The following SND1 variants were observed in gnomAD, a reference collection of about 807,000 sequenced individuals.
SND1 encodes the protein staphylococcal nuclease domain-containing protein 1.
A neutral mutation model predicts 121.7 loss-of-function variants in SND1; 38 were observed. The ratio of observed to expected loss-of-function variants is 0.31; its 90% CI spans 0.24 to 0.41. The LOEUF is 0.41. Among genes scored for constraint, SND1 ranks in the 10% least tolerant of loss-of-function variants. The pLI, the probability that SND1 is intolerant of heterozygous loss-of-function variation, is 1.00. For synonymous variants in SND1, 401 were observed against 447.4 expected, an observed-to-expected ratio of 0.90 and a Z score of 1.31; for missense variants, 868 against 1,184.6, an observed-to-expected ratio of 0.73 and a Z score of 3.92.
At chr7:127,743,913 G>T (rs1356860254) in intron 10 of SND1, among the ~76,000 whole-genome samples, 1 of 152,064 alleles carries the variant, frequency 6.6e-6, no homozygotes, top group Non-Finnish European at 1.5e-5. Context: ...TGCTTCCCAG[G>T]CCTTCCACCT....
At chr7:127,721,535 T>G in intron 10 of SND1, 135 bp downstream of exon 10, 1 of 532,016 alleles carries the variant, frequency 1.9e-6, no homozygotes, top group Admixed American at 3.0e-5. Context: ...TCCACAGTAT[T>G]ATTTTCTAAT....
chr7:127,898,751 T>C (rs1190664236), intron 13 of SND1, among the ~76,000 whole-genome samples: 1 of 152,192 alleles, frequency 6.6e-6, no homozygotes, highest in Non-Finnish European at 1.5e-5. Context: ...TCTGTTTTAT[T>C]GTTTACAGTG....
At chr7:127,973,009 G>T (rs551114471) in intron 15 of SND1, among the ~76,000 whole-genome samples, 1 of 152,192 alleles carries the variant, frequency 6.6e-6, no homozygotes, top group Non-Finnish European at 1.5e-5. Flanking sequence ...ATTGGAGAGG[G>T]CCCAAATGAG....
At chr7:127,964,629 C>G (rs1438506265) in intron 15 of SND1, among the ~76,000 whole-genome samples, 2 of 151,954 alleles carry the variant, frequency 1.3e-5, no homozygotes, top group East Asian at 3.8e-4. Flanking sequence ...TGTTTTGGTA[C>G]CAGTACCATG....
chr7:127,703,811 C>T (rs1407943862), intron 7 of SND1, among the ~76,000 whole-genome samples: 1 of 152,154 alleles, frequency 6.6e-6, no homozygotes, highest in Admixed American at 6.5e-5. Context: ...AATTTTCTCA[C>T]CTTTAGGAAA....
intron 13 of SND1, among the ~76,000 whole-genome samples, chr7:127,903,833 A>G (rs1043600633): frequency 7.9e-5 from 12 of 152,144 alleles, no homozygotes; most frequent in Non-Finnish European, 1.3e-4. Flanking sequence ...AGCTTTCTCA[A>G]CACTTCCTCT....
chr7:127,763,116 C>G (rs1342753053), intron 10 of SND1, among the ~76,000 whole-genome samples: 2 of 152,122 alleles, frequency 1.3e-5, no homozygotes, highest in African/African-American at 4.8e-5. Flanking sequence ...TCCTAGAACT[C>G]ATGTCACATA....
chr7:127,912,613 T>G (rs1009460201), intron 14 of SND1, among the ~76,000 whole-genome samples: 1 of 152,232 alleles, frequency 6.6e-6, no homozygotes, highest in Non-Finnish European at 1.5e-5. Flanking sequence ...TTCTTTAGTC[T>G]CTTTGAGCCT....
chr7:127,759,291 A>G (rs1046324639), intron 10 of SND1, among the ~76,000 whole-genome samples: 3 of 152,218 alleles, frequency 2.0e-5, no homozygotes, highest in Non-Finnish European at 4.4e-5. Flanking sequence ...CCTTGAAACT[A>G]TATAAAATCA....
chr7:127,799,893 G>T (rs761311273), intron 10 of SND1, among the ~76,000 whole-genome samples: 1 of 152,188 alleles, frequency 6.6e-6, no homozygotes, highest in Non-Finnish European at 1.5e-5. Flanking sequence ...GGAATACTTA[G>T]GTATCTTAGG....
chr7:128,066,261 C>T (rs192365772), intron 16 of SND1, among the ~76,000 whole-genome samples: 178 of 152,338 alleles, frequency 1.2e-3, no homozygotes, highest in Non-Finnish European at 1.4e-3. Flanking sequence ...GCTTCTAGAG[C>T]CAGCTCACCC....
chr7:128,047,624 A>G (rs1290905302), intron 16 of SND1, among the ~76,000 whole-genome samples: 1 of 152,234 alleles, frequency 6.6e-6, no homozygotes, highest in African/African-American at 2.4e-5. Context: ...CTTTTGTGAA[A>G]GAGATACTAA....
intron 15 of SND1, among the ~76,000 whole-genome samples, chr7:127,951,597 T>C (rs1356596515): frequency 6.6e-6 from 1 of 152,154 alleles, no homozygotes; most frequent in African/African-American, 2.4e-5. Context: ...TGGAAGGGGA[T>C]AGGGAGAGAT....
chr7:127,934,855 G>T (rs1801027113), intron 15 of SND1, among the ~76,000 whole-genome samples: 1 of 152,132 alleles, frequency 6.6e-6, no homozygotes, highest in Non-Finnish European at 1.5e-5. Context: ...GTGCCTAGAG[G>T]ACAGGTTTAC....
chr7:127,785,355 A>G (rs1031043504), intron 10 of SND1, among the ~76,000 whole-genome samples: 1 of 152,216 alleles, frequency 6.6e-6, no homozygotes, highest in African/African-American at 2.4e-5. Context: ...TTGTGGGATG[A>G]TTCCTGAGTA....
At chr7:127,887,390 A>G (rs1264819790) in intron 12 of SND1, among the ~76,000 whole-genome samples, 4 of 152,048 alleles carry the variant, frequency 2.6e-5, no homozygotes, top group Non-Finnish European at 5.9e-5. Context: ...TAGAAGATCT[A>G]CTCTCAGGAG....
In SND1 at chr7:127,652,371, C is replaced by CG; in HGVS notation, c.-3_-2insG. ...TCCACTCGTTGCCTTTGCATCTCCA[C>CG]ACATGGCGTCCTCCGCGCAGAGCGG... is the stretch of plus-strand genomic sequence containing the variant. On this transcript the variant is annotated 5_prime_UTR_variant, in exon 1 of 24. Coordinates refer to ENST00000354725, the MANE Select transcript of SND1 (RefSeq NM_014390.4). 1 of 1,574,272 alleles carries CG rather than the reference C, an allele frequency of 6.4e-7. No homozygotes were observed. Among genetic ancestry groups the CG allele is most frequent in the Non-Finnish European group, 8.7e-7 (1 of 1,154,534 alleles).
At chr7:127,794,120 A>G (rs1253188133) in intron 10 of SND1, among the ~76,000 whole-genome samples, 1 of 152,236 alleles carries the variant, frequency 6.6e-6, no homozygotes, top group Non-Finnish European at 1.5e-5. Context: ...AAAGAAAGTC[A>G]TCTTCCTTCG....
intron 15 of SND1, among the ~76,000 whole-genome samples, chr7:127,962,888 A>C (rs895894313): frequency 9.2e-5 from 14 of 152,208 alleles, no homozygotes; most frequent in African/African-American, 3.4e-4. Context: ...TTTTGAAATG[A>C]CACCTCTCTG....
Sources: allele counts gnomAD v4.1 joint callset (sites outside exome capture counted in the v4.1 genomes callset), GRCh38; gene constraint gnomAD v4.1.1; transcripts MANE v1.5; gene names NCBI Gene and HGNC (gene_info 2026-07-23, HGNC 2026-07-21).